PCSK5: variants seen among roughly 807,000 people sequenced by gnomAD.
PCSK5 encodes the protein prohormone convertase 5.
In PCSK5, 129 loss-of-function variants were observed where a neutral mutation model predicts 233.2. The observed-to-expected ratio is 0.55, with a 90% CI of 0.48 to 0.64. The LOEUF (loss-of-function observed/expected upper bound fraction) is 0.64, where lower values mean the gene tolerates loss of function less well. Among genes scored for constraint, PCSK5 ranks in the 30% least tolerant of loss-of-function variants. The probability of loss-of-function intolerance (pLI) is 0.00; values close to 1 mark genes in which losing one functional copy is unlikely to be tolerated. For missense variants in PCSK5, 2,076 were observed against 2,430.1 expected (o/e 0.85, Z 3.06); for synonymous variants, 825 against 879.2 (o/e 0.94, Z 1.09).
chr9:76,165,042 G>C (rs564461166), intron 12 of PCSK5, among the ~76,000 whole-genome samples: 3 of 151,980 alleles, frequency 2.0e-5, no homozygotes, highest in Admixed American at 6.5e-5. Context: ...TTAGGAAAGA[G>C]AGAAAAAGCA....
intron 28 of PCSK5, among the ~76,000 whole-genome samples, chr9:76,304,653 T>C (rs77467230): frequency 5.0e-3 from 16 of 3,176 alleles, no homozygotes; most frequent in Non-Finnish European, 9.2e-3. Context: ...GTTTAATTAC[T>C]GTATCCATGT....
chr9:76,238,847 G>GA (rs1359940083), intron 22 of PCSK5, 112 bp from the exon 23 acceptor site: 57 of 751,476 alleles, frequency 7.6e-5, no homozygotes, highest in Non-Finnish European at 1.1e-4. Flanking sequence ...CATCCACTAG[G>GA]AAAAAAAAGC....
intron 2 of PCSK5, among the ~76,000 whole-genome samples, chr9:75,984,419 C>T (rs1215397179): frequency 6.6e-6 from 1 of 152,080 alleles, no homozygotes; most frequent in African/African-American, 2.4e-5. Flanking sequence ...TTTATGAATG[C>T]TTCATTAGGA....
chr9:76,227,856 GGGTGCCTTTGAT>G (rs2131310415), intron 21 of PCSK5, among the ~76,000 whole-genome samples: 1 of 152,242 alleles, frequency 6.6e-6, no homozygotes, highest in African/African-American at 2.4e-5. Flanking sequence ...TCAATCAATA[GGGTGCCTTTGAT>G]GCCTGAAATC....
Position 76,159,015 on chromosome 9 carries a change from T to C in PCSK5, c.1463T>C (p.Ile488Thr), listed in dbSNP as rs1822730821. The C allele has an allele frequency of 1.2e-6, 2 of 1,614,162 alleles. No individual in the cohort carries two copies. Among genetic ancestry groups the C allele is most frequent in the African/African-American group, 1.3e-5 (1 of 75,042 alleles). ...TIRPNSAVRSIYKASGCSDNP... is the reference protein window; with the variant it reads ...TIRPNSAVRSTYKASGCSDNP... Reference sequence around the variant, plus strand: ...CGCCCTAACAGTGCAGTGCGCTCCATCTACAAAGCTTCAGGCTGCTCGGAT... The same window carrying C: ...CGCCCTAACAGTGCAGTGCGCTCCACCTACAAAGCTTCAGGCTGCTCGGAT... Residue 488 changes from isoleucine (I) to threonine (T), a missense_variant, in exon 12 of 38, where the codon ATC becomes ACC. Ile to Thr is a moderately conservative substitution (Grantham distance 89, BLOSUM62 -1). Coordinates refer to ENST00000674117, the MANE Select transcript of PCSK5 (RefSeq NM_001372043.1).
At chr9:76,271,714 T>C (rs1222570778) in intron 24 of PCSK5, among the ~76,000 whole-genome samples, 1 of 151,708 alleles carries the variant, frequency 6.6e-6, no homozygotes, top group Non-Finnish European at 1.5e-5. Flanking sequence ...ACAACAGAAA[T>C]GTATTCTCTC....
chr9:76,151,721 A>T (rs1587691084), intron 10 of PCSK5, among the ~76,000 whole-genome samples: 1 of 152,028 alleles, frequency 6.6e-6, no homozygotes, highest in African/African-American at 2.4e-5. Flanking sequence ...CTTACTATAC[A>T]CCTGGTTGCT....
intron 35 of PCSK5, among the ~76,000 whole-genome samples, chr9:76,347,140 G>A (rs35097764): frequency 0.029 from 4,252 of 148,564 alleles, 70 homozygotes; most frequent in Non-Finnish European, 0.043. Flanking sequence ...AAAATGGTTT[G>A]GAATCAAAAC....
chr9:76,087,020 T>C (rs973536548), intron 7 of PCSK5, among the ~76,000 whole-genome samples: 2 of 152,258 alleles, frequency 1.3e-5, no homozygotes, highest in African/African-American at 2.4e-5. Context: ...ACACGTATTC[T>C]ACTATTCTTT....
intron 28 of PCSK5, among the ~76,000 whole-genome samples, chr9:76,308,162 A>C (rs1416928877): frequency 6.6e-6 from 1 of 152,100 alleles, no homozygotes; most frequent in Non-Finnish European, 1.5e-5. Context: ...ACACCACCAC[A>C]CTCCAGCCTG....
chr9:76,069,983 A>G (rs929715364), intron 6 of PCSK5, among the ~76,000 whole-genome samples: 1 of 149,930 alleles, frequency 6.7e-6, no homozygotes, highest in Non-Finnish European at 1.5e-5. Flanking sequence ...CAAACTTTCC[A>G]ATTTCCATTC....
At chr9:76,067,726 C>T (rs557705852) in intron 5 of PCSK5, among the ~76,000 whole-genome samples, 1 of 152,152 alleles carries the variant, frequency 6.6e-6, no homozygotes, top group South Asian at 2.1e-4. Flanking sequence ...GGAGATTGTC[C>T]GGTTGGGAAA....
intron 13 of PCSK5, among the ~76,000 whole-genome samples, chr9:76,174,309 A>ATT (rs199929777): frequency 1.1e-3 from 157 of 143,318 alleles, no homozygotes; most frequent in African/African-American, 3.7e-3. Context: ...CCAAAAAAAA[A>ATT]TTTTTTTTTT....
intron 35 of PCSK5, among the ~76,000 whole-genome samples, chr9:76,350,335 A>C (rs1262766923): frequency 6.6e-6 from 1 of 152,162 alleles, no homozygotes; most frequent in African/African-American, 2.4e-5. Context: ...TATCACCATC[A>C]TCACCACCCC....
intron 4 of PCSK5, among the ~76,000 whole-genome samples, chr9:76,025,719 C>T (rs576850320): frequency 6.6e-6 from 1 of 152,106 alleles, no homozygotes; most frequent in African/African-American, 2.4e-5. Flanking sequence ...TCTTTTCCCT[C>T]CTTATACTCT....
intron 31 of PCSK5, among the ~76,000 whole-genome samples, chr9:76,322,750 G>A (rs923283409): frequency 3.3e-5 from 5 of 152,172 alleles, no homozygotes; most frequent in South Asian, 2.1e-4. Flanking sequence ...AAACAATACC[G>A]CCAGCCTCTC....
chr9:76,146,521 CATGTATGTATATATATAT>C, intron 10 of PCSK5, among the ~76,000 whole-genome samples: 1 of 117,878 alleles, frequency 8.5e-6, no homozygotes, highest in Admixed American at 9.6e-5. Context: ...TGTATATATA[CATGTATGTATATATATAT>C]ATGTGTATAT....
intron 9 of PCSK5, among the ~76,000 whole-genome samples, chr9:76,124,570 C>A (rs1832767266): frequency 6.6e-6 from 1 of 151,578 alleles, no homozygotes; most frequent in Non-Finnish European, 1.5e-5. Context: ...CATGGTGAAA[C>A]CCCATCTCTA....
At chr9:76,040,358 TC>T (rs1347092702) in intron 5 of PCSK5, among the ~76,000 whole-genome samples, 6 of 61,700 alleles carry the variant, frequency 9.7e-5, no homozygotes, top group Non-Finnish European at 1.8e-4. Flanking sequence ...TCTCTCTCTC[TC>T]TCTCTCTCTC....
Sources: allele counts gnomAD v4.1 joint callset (sites outside exome capture counted in the v4.1 genomes callset), GRCh38; gene constraint gnomAD v4.1.1; transcripts MANE v1.5; gene names NCBI Gene and HGNC (gene_info 2026-07-23, HGNC 2026-07-21).